Variants in DYNLL1 observed in about 807,000 individuals in gnomAD.
The protein encoded by DYNLL1 is dynein light chain 1, cytoplasmic.
Under a neutral mutation model 10.1 loss-of-function variants are expected in DYNLL1, and 3 were observed. The observed-to-expected ratio is 0.30, with a 90% CI of 0.14 to 0.77. DYNLL1 has a LOEUF of 0.77. Ranked by LOEUF, DYNLL1 falls within the 30% of genes least tolerant of loss-of-function variation. The pLI is 0.66. For synonymous variants in DYNLL1, 46 were observed against 41.2 expected (o/e 1.12, Z -0.45); for missense variants, 47 against 111.7 (o/e 0.42, Z 2.61).
In DYNLL1 at chr12:120,496,165, G is replaced by C; in HGVS notation, c.-58G>C. Reference sequence around the variant, plus strand: ...GTATCTCTAGCCGGGCCTGAGCTGTGCTAGCACCTCCCCCAGGAGACCGTT... The same window carrying C: ...GTATCTCTAGCCGGGCCTGAGCTGTCCTAGCACCTCCCCCAGGAGACCGTT... On this transcript the variant is annotated 5_prime_UTR_variant, in exon 1 of 3. Coordinates refer to ENST00000242577, the MANE Select transcript of DYNLL1 (RefSeq NM_003746.3). 1.7e-6 allele frequency: 1 copy of C among 599,192 alleles called. No homozygotes were observed. Among genetic ancestry groups the C allele is most frequent in the Non-Finnish European group, 2.9e-6 (1 of 340,036 alleles). The allele number at this position is 599,192 out of a possible 1,614,324, so 37.1% of individuals were successfully genotyped here.
At chr12:120,480,768 T>C (rs1479153142) in intron 1 of DYNLL1, among the ~76,000 whole-genome samples, 2 of 151,666 alleles carry the variant, frequency 1.3e-5, no homozygotes, top group African/African-American at 4.8e-5. Context: ...ATTTTTCTTT[T>C]TTTTTTTTTT....
chr12:120,496,909 C>A, intron 2 of DYNLL1: 1 of 183,664 alleles, frequency 5.4e-6, no homozygotes, highest in Non-Finnish European at 1.1e-5. Context: ...CCAGCCGGGC[C>A]GGGAGGAGAT....
chr12:120,490,432 A>G (rs1879098954), intron 1 of DYNLL1: 1 of 152,234 alleles, frequency 6.6e-6, no homozygotes, highest in Admixed American at 6.5e-5. Flanking sequence ...TGAGTCACAG[A>G]GGCCTTGTTA....
chr12:120,487,142 T>C (rs985781633), intron 1 of DYNLL1, among the ~76,000 whole-genome samples: 1 of 144,644 alleles, frequency 6.9e-6, no homozygotes, highest in Non-Finnish European at 1.5e-5. Context: ...ACCCGGCTAA[T>C]TTTTTGTATT....
chr12:120,482,900 G>A (rs922694177), intron 1 of DYNLL1, among the ~76,000 whole-genome samples: 1 of 151,186 alleles, frequency 6.6e-6, no homozygotes, highest in East Asian at 2.0e-4. Context: ...GCAAGATGGC[G>A]AGACCTCCAT....
At chr12:120,478,114 GT>G (rs1011773821) in intron 1 of DYNLL1, among the ~76,000 whole-genome samples, 3 of 136,652 alleles carry the variant, frequency 2.2e-5, no homozygotes, top group Non-Finnish European at 3.2e-5. Context: ...TTTTGTTGTT[GT>G]TTTTTTTTTT....
chr12:120,489,932 G>A (rs888260786), intron 1 of DYNLL1, among the ~76,000 whole-genome samples: 2 of 152,184 alleles, frequency 1.3e-5, no homozygotes, highest in Admixed American at 6.5e-5. Context: ...TATTTTAGTA[G>A]AGACGGGGTT....
intron 1 of DYNLL1, among the ~76,000 whole-genome samples, chr12:120,478,993 G>C (rs1460239147): frequency 6.8e-6 from 1 of 147,800 alleles, no homozygotes; most frequent in Non-Finnish European, 1.5e-5. Flanking sequence ...CTGTGAAACT[G>C]TCTCTATTAA....
At chr12:120,495,750 A>T (rs1879251935), upstream of DYNLL1, 1 of 152,726 alleles carries the variant, frequency 6.5e-6, no homozygotes, top group Non-Finnish European at 1.5e-5. Flanking sequence ...CTGTTGTTCG[A>T]GAACACACCC....
chr12:120,471,345 C>T (rs1878646551), intron 1 of DYNLL1, among the ~76,000 whole-genome samples: 1 of 152,046 alleles, frequency 6.6e-6, no homozygotes, highest in African/African-American at 2.4e-5. Flanking sequence ...TGCACTCCTC[C>T]AGCCTGGGTG....
At chr12:120,475,732 G>A (rs963977301) in intron 1 of DYNLL1, among the ~76,000 whole-genome samples, 1 of 151,990 alleles carries the variant, frequency 6.6e-6, no homozygotes, top group African/African-American at 2.4e-5. Flanking sequence ...ATACAGGACA[G>A]CGTAGGAATT....
chr12:120,496,584 C>T, intron 2 of DYNLL1, 31 bp downstream of exon 2: 3 of 1,613,566 alleles, frequency 1.9e-6, no homozygotes, highest in Non-Finnish European at 2.5e-6. Flanking sequence ...CGATACGCAG[C>T]CGGGAGCAGG....
At chr12:120,492,460 G>A (rs183025152), upstream of DYNLL1, among the ~76,000 whole-genome samples, 172 of 152,194 alleles carry the variant, frequency 1.1e-3, 2 homozygotes, top group African/African-American at 3.9e-3. This position sits in a 1 kb window ranked among gnomAD's most constrained non-coding sequence, Gnocchi z 4.1. Context: ...CCAGCTACTC[G>A]GGAGGCTGAG....
intron 1 of DYNLL1, among the ~76,000 whole-genome samples, chr12:120,480,456 G>C (rs971373895): frequency 6.6e-6 from 1 of 152,176 alleles, no homozygotes; most frequent in Middle Eastern, 3.2e-3. Flanking sequence ...GGATGTGCCT[G>C]AAGCAGCTTC....
At chr12:120,497,400 A>T (rs952774244) in intron 2 of DYNLL1, 3 of 152,594 alleles carry the variant, frequency 2.0e-5, no homozygotes, top group African/African-American at 7.2e-5. Context: ...CCTAGTGGAC[A>T]GGGTAGTAGA....
upstream of DYNLL1, chr12:120,495,842 G>C (rs112710722): frequency 6.2e-6 from 1 of 160,778 alleles, no homozygotes; most frequent in African/African-American, 2.4e-5. Flanking sequence ...CAGCTGGGTG[G>C]TCCTCGTAAC....
intron 1 of DYNLL1, among the ~76,000 whole-genome samples, chr12:120,472,672 T>C (rs1878676013): frequency 6.6e-6 from 1 of 152,196 alleles, no homozygotes; most frequent in Non-Finnish European, 1.5e-5. Context: ...TCAATAGGAC[T>C]GTAGGTGGAA....
exon 1 of DYNLL1, chr12:120,470,015 C>T (rs1405858686): frequency 5.8e-5 from 9 of 155,904 alleles, no homozygotes; most frequent in African/African-American, 1.9e-4. Flanking sequence ...TGGGTAGCGC[C>T]CAGGGCCTGC....
chr12:120,487,504 G>A (rs1053797719), intron 1 of DYNLL1, among the ~76,000 whole-genome samples: 1 of 151,926 alleles, frequency 6.6e-6, no homozygotes, highest in Non-Finnish European at 1.5e-5. Context: ...GTTTCACCGT[G>A]TTAGTCAGGA....
Sources: allele counts gnomAD v4.1 joint callset (sites outside exome capture counted in the v4.1 genomes callset), GRCh38; gene constraint gnomAD v4.1.1; non-coding constraint Gnocchi (gnomAD v3.1); transcripts MANE v1.5; gene names NCBI Gene and HGNC (gene_info 2026-07-23, HGNC 2026-07-21).